Variants in PARD6A observed in about 807,000 individuals in gnomAD.
PARD6A encodes the protein par-6 family cell polarity regulator alpha.
PARD6A carries 20 observed loss-of-function variants against 21.3 expected under a neutral mutation model. That is an observed-to-expected ratio of 0.94 (90% CI 0.66 to 1.36). PARD6A has a LOEUF of 1.36. Among genes scored for constraint, PARD6A ranks in the 40% most tolerant of loss-of-function variants. PARD6A has a pLI of 0.00. For missense variants in PARD6A, 411 were observed against 482.0 expected, an observed-to-expected ratio of 0.85 and a Z score of 1.38; for synonymous variants, 214 against 204.8, an observed-to-expected ratio of 1.04 and a Z score of -0.38.
In PARD6A at chr16:67,661,909, C is replaced by T. The variant is rs144160135; in HGVS notation, c.300C>T (p.Ser100=). 5 of 1,595,876 alleles carry T rather than the reference C, an allele frequency of 3.1e-6. No homozygotes were observed. Among genetic ancestry groups the T allele is most frequent in the African/African-American group, 2.7e-5 (2 of 74,658 alleles). The change falls in exon 3 of 3, where the codon AGC becomes AGT. Residue 100 remains serine (S), a synonymous_variant. Coordinates refer to ENST00000458121, the MANE Select transcript of PARD6A (RefSeq NM_001037281.2). The surrounding 1 kb of genome is among the most constrained non-coding windows in gnomAD (Gnocchi z 7.0). ...LLVQKREADS[S]GLAFASNSLQ... ...CTTCTGCAGCAGAAGCTGACTCCAG[C>T]GGCCTGGCTTTTGCCTCCAACTCTC... is the stretch of plus-strand genomic sequence containing the variant.
In PARD6A at chr16:67,661,900, T is replaced by C. The variant is rs764264611; in HGVS notation, c.291T>C (p.Ala97=). ...ATCCCCCCTCTTCTGCAGCAGAAGC[T>C]GACTCCAGCGGCCTGGCTTTTGCCT... ...PLRLLVQKRE[A]DSSGLAFASN... is the part of the protein sequence containing the mutation. The change falls in exon 3 of 3, where the codon GCT becomes GCC. Residue 97 remains alanine (A), a synonymous_variant. Transcript: ENST00000458121. This position sits in a 1 kb window ranked among gnomAD's most constrained non-coding sequence, Gnocchi z 7.0. 19 of 1,587,770 alleles carry C rather than the reference T, an allele frequency of 1.2e-5. No homozygotes were observed. The highest frequency in any genetic ancestry group is 1.6e-5 in the Non-Finnish European group (19 of 1,170,384).
rs2053012121 is a variant in PARD6A, at chr16:67,661,345, TAAGGCTGCCGCAAAA to T, written c.64-109_64-95del. On this transcript the variant is annotated intron_variant, in intron 1 of 2. Transcript: ENST00000458121. This position sits in a 1 kb window ranked among gnomAD's most constrained non-coding sequence, Gnocchi z 7.0. Reference sequence around the variant, plus strand: ...TGGTACTGGAGCTGAGGTCTGGGCTTAAGGCTGCCGCAAAAGCGGCAGCCGCATCTTTCCCATTCC... The same window carrying T: ...TGGTACTGGAGCTGAGGTCTGGGCTTGCGGCAGCCGCATCTTTCCCATTCC... 1.4e-6 allele frequency: 2 copies of T among 1,445,418 alleles called. No homozygotes were observed. Among genetic ancestry groups the T allele is most frequent in the Non-Finnish European group, 1.8e-6 (2 of 1,088,544 alleles). The allele number at this position is 1,445,418 out of a possible 1,614,324, so 89.5% of individuals were successfully genotyped here. A position where few individuals can be genotyped will look rare whatever the true frequency, so the allele number is the denominator to read the frequency against.
At position 67,662,695 on chromosome 16, in the gene PARD6A, G is replaced by A; in HGVS notation, c.*48G>A. 6.8e-7 allele frequency: 1 copy of A among 1,469,436 alleles called. No individual in the cohort carries two copies. The highest frequency in any genetic ancestry group is 2.3e-5 in the East Asian group (1 of 42,722). The allele number at this position is 1,469,436 out of a possible 1,614,324, so 91.0% of individuals were successfully genotyped here. On this transcript the variant is annotated 3_prime_UTR_variant, in exon 3 of 3. Coordinates refer to ENST00000458121, the MANE Select transcript of PARD6A (RefSeq NM_001037281.2). This position sits in a 1 kb window ranked among gnomAD's most constrained non-coding sequence, Gnocchi z 6.9. Reference sequence around the variant, plus strand: ...CACTCCACACTGCTGGGACATGGCAGGGACTTCACAGTGGGGGTTTTTAGC... The same window carrying A: ...CACTCCACACTGCTGGGACATGGCAAGGACTTCACAGTGGGGGTTTTTAGC...
In PARD6A at chr16:67,661,720, CTG is replaced by C; in HGVS notation, c.286+46_286+47del. ...GGGCAGCCTCTGTGGGGTAAGGTGTCTGTGGGGCAGGTCTACAAGGGTTAGTC... is the reference window on the plus strand; with the variant it reads ...GGGCAGCCTCTGTGGGGTAAGGTGTCTGGGGCAGGTCTACAAGGGTTAGTC... On this transcript the variant is annotated intron_variant, in intron 2 of 2. Coordinates refer to ENST00000458121, the MANE Select transcript of PARD6A (RefSeq NM_001037281.2). This position sits in a 1 kb window ranked among gnomAD's most constrained non-coding sequence, Gnocchi z 7.0. 6.3e-7 allele frequency: 1 copy of C among 1,593,184 alleles called. No homozygotes were observed. The highest frequency in any genetic ancestry group is 8.5e-7 in the Non-Finnish European group (1 of 1,175,242).
At position 67,661,994 on chromosome 16, in the gene PARD6A, C is replaced by A. The variant is rs774524526; in HGVS notation, c.385C>A (p.Pro129Thr). The A allele has an allele frequency of 1.9e-5, 30 of 1,613,440 alleles. No individual in the cohort carries two copies. Among genetic ancestry groups the A allele is most frequent in the Non-Finnish European group, 8.5e-7 (1 of 1,180,036 alleles). ...AGTGGCACCCCTGCGCACCCGGCCA[C>A]CCTTGCTAATCAGCCTGCCCCAAGA... ...RPVAPLRTRP[P>T]LLISLPQDFR... Residue 129 changes from proline (P) to threonine (T), a missense_variant, in exon 3 of 3, where the codon CCC becomes ACC. Transcript: ENST00000458121. This position sits in a 1 kb window ranked among gnomAD's most constrained non-coding sequence, Gnocchi z 7.0.
Position 67,661,024 on chromosome 16 carries a change from C to T in PARD6A, c.-15C>T, listed in dbSNP as rs1489295113. ...GGCCGCCTGGGGCACCGTCCCCGGCCCGCCCGGCCCCGCCATGGCCCGGCC... is the reference window on the plus strand; with the variant it reads ...GGCCGCCTGGGGCACCGTCCCCGGCTCGCCCGGCCCCGCCATGGCCCGGCC... On this transcript the variant is annotated 5_prime_UTR_variant, in exon 1 of 3. Coordinates refer to ENST00000458121, the MANE Select transcript of PARD6A (RefSeq NM_001037281.2). The surrounding 1 kb of genome is among the most constrained non-coding windows in gnomAD (Gnocchi z 7.0). 3.4e-6 allele frequency: 5 copies of T among 1,491,822 alleles called. No individual in the cohort carries two copies. The highest frequency in any genetic ancestry group is 1.9e-5 in the Admixed American group (1 of 53,016). 92.4% of individuals were successfully genotyped at this position (1,491,822 alleles called of 1,614,324 possible).
Position 67,662,018 on chromosome 16 carries a change from G to A in PARD6A, c.409G>A (p.Asp137Asn). Residue 137 changes from aspartate to asparagine, a missense_variant, in exon 3 of 3, where the codon GAT (aspartate) becomes AAT (asparagine). Transcript: ENST00000458121. The surrounding 1 kb of genome is among the most constrained non-coding windows in gnomAD (Gnocchi z 6.9). ...RPPLLISLPQDFRQVSSVIDV... is the reference protein window; with the variant it reads ...RPPLLISLPQNFRQVSSVIDV... The stretch of plus-strand genomic sequence containing the variant: ...ACCCTTGCTAATCAGCCTGCCCCAA[G>A]ATTTCCGCCAGGTTTCCTCAGTCAT... The A allele has an allele frequency of 6.2e-7, 1 of 1,613,850 alleles. No individual in the cohort carries two copies.
Position 67,661,212 on chromosome 16 carries a change from C to T in PARD6A, c.63+111C>T, listed in dbSNP as rs2053008839. 2 of 1,103,994 alleles carry T rather than the reference C, an allele frequency of 1.8e-6. No homozygotes were observed. Among genetic ancestry groups the T allele is most frequent in the Admixed American group, 3.6e-5 (2 of 56,260 alleles). 68.4% of individuals were successfully genotyped at this position (1,103,994 alleles called of 1,614,324 possible). A position where few individuals can be genotyped will look rare whatever the true frequency, so the allele number is the denominator to read the frequency against. Reference sequence around the variant, plus strand: ...CCTCTATCCTCCAAGTCCCATTCTGCTTTTCTGCTCGCCTTCCCCCATCCG... The same window carrying T: ...CCTCTATCCTCCAAGTCCCATTCTGTTTTTCTGCTCGCCTTCCCCCATCCG... On this transcript the variant is annotated intron_variant, in intron 1 of 2. Transcript: ENST00000458121. The surrounding 1 kb of genome is among the most constrained non-coding windows in gnomAD (Gnocchi z 7.0).
rs745504473 is a variant in PARD6A at position 67,662,614 on chromosome 16, C to T, written c.1005C>T (p.Arg335=). 8 of 1,598,282 alleles carry T rather than the reference C, an allele frequency of 5.0e-6. No homozygotes were observed. The highest frequency in any genetic ancestry group is 3.3e-4 in the Middle Eastern group (2 of 5,992). The change falls in exon 3 of 3, where the codon CGC becomes CGT. Residue 335 remains arginine, a synonymous_variant. Coordinates refer to ENST00000458121, the MANE Select transcript of PARD6A (RefSeq NM_001037281.2). This position sits in a 1 kb window ranked among gnomAD's most constrained non-coding sequence, Gnocchi z 6.9. The stretch of plus-strand genomic sequence containing the variant: ...AGGCCAGTTCTGGCTGGGGGAGTCG[C>T]ATTCGAGGAGATGGTAGTGGCTTCA... ...QEQASSGWGS[R]IRGDGSGFSL
At position 67,661,177 on chromosome 16, in the gene PARD6A, C is replaced by T; in HGVS notation, c.63+76C>T. On this transcript the variant is annotated intron_variant, in intron 1 of 2. Coordinates refer to ENST00000458121, the MANE Select transcript of PARD6A (RefSeq NM_001037281.2). This position sits in a 1 kb window ranked among gnomAD's most constrained non-coding sequence, Gnocchi z 7.0. ...CCCCTTCCCAGCTCCTTGGTCCCCGCCACCTCTTCCCTCTATCCTCCAAGT... is the reference window on the plus strand; with the variant it reads ...CCCCTTCCCAGCTCCTTGGTCCCCGTCACCTCTTCCCTCTATCCTCCAAGT... 1.6e-6 allele frequency: 2 copies of T among 1,265,404 alleles called. No homozygotes were observed. Among genetic ancestry groups the T allele is most frequent in the East Asian group, 4.6e-5 (2 of 43,108 alleles). The allele number at this position is 1,265,404 out of a possible 1,614,324, so 78.4% of individuals were successfully genotyped here. A position where few individuals can be genotyped will look rare whatever the true frequency, so the allele number is the denominator to read the frequency against.
rs762170932 is a variant in PARD6A, at chr16:67,662,585, G to A, written c.976G>A (p.Glu326Lys). 4 of 1,611,838 alleles carry A rather than the reference G, an allele frequency of 2.5e-6. No homozygotes were observed. The Admixed American group carries it at 5.0e-5, about 20-fold the overall frequency. Residue 326 changes from glutamate (E) to lysine (K), a missense_variant, in exon 3 of 3, where the codon GAG becomes AAG. Physicochemically the swap from Glu to Lys is moderately conservative, Grantham distance 56. Transcript: ENST00000458121. This position sits in a 1 kb window ranked among gnomAD's most constrained non-coding sequence, Gnocchi z 6.9. ...CTCTCTGCCCTCCCTGGATGACCAG[G>A]AGCAGGCCAGTTCTGGCTGGGGGAG... ...RSSLPSLDDQ[E>K]QASSGWGSRI...
In PARD6A at chr16:67,661,912, C is replaced by T; in HGVS notation, c.303C>T (p.Gly101=). 1.2e-6 allele frequency: 2 copies of T among 1,600,028 alleles called. No individual in the cohort carries two copies. Among genetic ancestry groups the T allele is most frequent in the Non-Finnish European group, 1.7e-6 (2 of 1,175,710 alleles). Residue 101 remains glycine, a synonymous_variant, in exon 3 of 3, where the codon GGC becomes GGT. Transcript: ENST00000458121. The surrounding 1 kb of genome is among the most constrained non-coding windows in gnomAD (Gnocchi z 7.0). ...LVQKREADSS[G]LAFASNSLQR... is the part of the protein sequence containing the mutation. ...CTGCAGCAGAAGCTGACTCCAGCGG[C>T]CTGGCTTTTGCCTCCAACTCTCTGC...
chr16:67,662,631 G>A lies in PARD6A; in HGVS notation c.1022G>A (p.Ser341Asn). 2 of 1,581,232 alleles carry A rather than the reference G, an allele frequency of 1.3e-6. No homozygotes were observed. The highest frequency in any genetic ancestry group is 1.7e-6 in the Non-Finnish European group (2 of 1,162,818). Residue 341 changes from serine (S) to asparagine (N), a missense_variant, in exon 3 of 3, where the codon AGT becomes AAT. By Grantham distance (46) the Ser-to-Asn change is conservative. Coordinates refer to ENST00000458121, the MANE Select transcript of PARD6A (RefSeq NM_001037281.2). The surrounding 1 kb of genome is among the most constrained non-coding windows in gnomAD (Gnocchi z 6.9). ...GWGSRIRGDG[S>N]GFSL ...GGGAGTCGCATTCGAGGAGATGGTA[G>A]TGGCTTCAGCCTCTGACAGTCAGGA... is the stretch of plus-strand genomic sequence containing the variant.
Position 67,661,155 on chromosome 16 carries a change from C to A in PARD6A, c.63+54C>A. The A allele has an allele frequency of 2.1e-6, 3 of 1,433,644 alleles. No individual in the cohort carries two copies. Among genetic ancestry groups the A allele is most frequent in the Non-Finnish European group, 2.9e-6 (3 of 1,017,826 alleles). 88.8% of individuals were successfully genotyped at this position (1,433,644 alleles called of 1,614,324 possible). ...GCGCTCCCAATTCCCTCTTTCTCCCCTTCCCAGCTCCTTGGTCCCCGCCAC... is the reference window on the plus strand; with the variant it reads ...GCGCTCCCAATTCCCTCTTTCTCCCATTCCCAGCTCCTTGGTCCCCGCCAC... On this transcript the variant is annotated intron_variant, in intron 1 of 2. Coordinates refer to ENST00000458121, the MANE Select transcript of PARD6A (RefSeq NM_001037281.2). The surrounding 1 kb of genome is among the most constrained non-coding windows in gnomAD (Gnocchi z 7.0).
chr16:67,661,374 C>T lies in PARD6A; in HGVS notation c.64-81C>T, dbSNP rs1597776960. On this transcript the variant is annotated intron_variant, in intron 1 of 2. Coordinates refer to ENST00000458121, the MANE Select transcript of PARD6A (RefSeq NM_001037281.2). The surrounding 1 kb of genome is among the most constrained non-coding windows in gnomAD (Gnocchi z 7.0). ...GCTGCCGCAAAAGCGGCAGCCGCAT[C>T]TTTCCCATTCCTGCCAGCCTGCGGT... 6.5e-7 allele frequency: 1 copy of T among 1,531,170 alleles called. No homozygotes were observed. The highest frequency in any genetic ancestry group is 8.7e-7 in the Non-Finnish European group (1 of 1,149,712). 94.8% of individuals were successfully genotyped at this position (1,531,170 alleles called of 1,614,324 possible). A position where few individuals can be genotyped will look rare whatever the true frequency, so the allele number is the denominator to read the frequency against.
In PARD6A at chr16:67,661,969, A is replaced by G. The variant is rs1257489580; in HGVS notation, c.360A>G (p.Pro120=). Residue 120 remains proline, a synonymous_variant, in exon 3 of 3, where the codon CCA becomes CCG. Coordinates refer to ENST00000458121, the MANE Select transcript of PARD6A (RefSeq NM_001037281.2). The surrounding 1 kb of genome is among the most constrained non-coding windows in gnomAD (Gnocchi z 7.0). ...QRRKKGLLLR[P]VAPLRTRPPL... ...GCAAGAAAGGGCTCTTGCTGCGGCCAGTGGCACCCCTGCGCACCCGGCCAC... is the reference window on the plus strand; with the variant it reads ...GCAAGAAAGGGCTCTTGCTGCGGCCGGTGGCACCCCTGCGCACCCGGCCAC... 6.2e-7 allele frequency: 1 copy of G among 1,612,580 alleles called. No individual in the cohort carries two copies. Among genetic ancestry groups the G allele is most frequent in the Non-Finnish European group, 8.5e-7 (1 of 1,179,994 alleles).
rs1484932149 is a variant in PARD6A, at chr16:67,661,258, G to A, written c.63+157G>A. 4 of 1,005,864 alleles carry A rather than the reference G, an allele frequency of 4.0e-6. No individual in the cohort carries two copies. The highest frequency in any genetic ancestry group is 6.0e-6 in the Non-Finnish European group (4 of 671,358). The allele number at this position is 1,005,864 out of a possible 1,614,324, so 62.3% of individuals were successfully genotyped here. ...ATCCGTCTTCCTTCCTCCACTGCTG[G>A]TCTCCAGCTCTCTGTGGCCTGAGTA... is the stretch of plus-strand genomic sequence containing the variant. On this transcript the variant is annotated intron_variant, in intron 1 of 2. Transcript: ENST00000458121. This position sits in a 1 kb window ranked among gnomAD's most constrained non-coding sequence, Gnocchi z 7.0.
At position 67,661,772 on chromosome 16, in the gene PARD6A, C is replaced by A; in HGVS notation, c.286+95C>A. On this transcript the variant is annotated intron_variant, in intron 2 of 2. Coordinates refer to ENST00000458121, the MANE Select transcript of PARD6A (RefSeq NM_001037281.2). The surrounding 1 kb of genome is among the most constrained non-coding windows in gnomAD (Gnocchi z 7.0). The stretch of plus-strand genomic sequence containing the variant: ...CCATGCCCAGGGTACCCAAGCGTCA[C>A]CCTCTGCAGTCCCTGCCCTTGGCTT... 6.4e-7 allele frequency: 1 copy of A among 1,552,100 alleles called. No homozygotes were observed. The highest frequency in any genetic ancestry group is 8.7e-7 in the Non-Finnish European group (1 of 1,155,486).
chr16:67,661,683 GA>G lies in PARD6A; in HGVS notation c.286+7del, dbSNP rs1567644580. 6.2e-7 allele frequency: 1 copy of G among 1,605,852 alleles called. No individual in the cohort carries two copies. The highest frequency in any genetic ancestry group is 1.7e-5 in the Admixed American group (1 of 59,934). The stretch of plus-strand genomic sequence containing the variant: ...CCTACTGGTGCAGAAGCGGGGTGAG[GA>G]GGGGTACAGTGGGCAGCCTCTGTGG... On this transcript the variant is annotated splice_region_variant and intron_variant, in intron 2 of 2. Transcript: ENST00000458121. The surrounding 1 kb of genome is among the most constrained non-coding windows in gnomAD (Gnocchi z 7.0).
Sources: gnomAD v4.1 joint callset for allele counts on GRCh38, gnomAD v4.1.1 for gene constraint, Gnocchi (gnomAD v3.1) non-coding constraint, MANE v1.5 for transcripts, NCBI Gene and HGNC (gene_info 2026-07-23, HGNC 2026-07-21) for gene names.